The following MAGI2 variants were observed in gnomAD, a reference collection of about 807,000 sequenced individuals.
The protein encoded by MAGI2 is membrane associated guanylate kinase, WW and PDZ domain containing 2.
MAGI2 carries 35 observed loss-of-function variants against 133.3 expected under a neutral mutation model. That is an observed-to-expected ratio of 0.26 (90% confidence interval 0.20 to 0.35). The LOEUF (loss-of-function observed/expected upper bound fraction) is 0.35. MAGI2 is among the 10% of genes least tolerant of loss of function. The pLI is 1.00. For synonymous variants in MAGI2, 729 were observed against 710.6 expected (o/e 1.03, Z -0.41); for missense variants, 1,636 against 1,863.4 (o/e 0.88, Z 2.25).
chr7:78,699,389 C>T (rs569225794), intron 2 of MAGI2, among the ~76,000 whole-genome samples: 2 of 152,242 alleles, frequency 1.3e-5, no homozygotes, highest in South Asian at 4.1e-4. Flanking sequence ...GTGTGAGCCA[C>T]CACATCTGTC....
chr7:79,452,787 A>T (rs1849374306), intron 1 of MAGI2: 2 of 509,010 alleles, frequency 3.9e-6, no homozygotes, highest in Non-Finnish European at 6.9e-6. Context: ...TCCAAAGGGG[A>T]GGGTCTAACT....
intron 6 of MAGI2, among the ~76,000 whole-genome samples, chr7:78,406,956 C>T (rs755476070): frequency 6.6e-6 from 1 of 151,938 alleles, no homozygotes; most frequent in Non-Finnish European, 1.5e-5. Context: ...CCTTATTGTG[C>T]TGTAAATTCA....
chr7:79,066,279 T>A (rs1182664401), intron 1 of MAGI2, among the ~76,000 whole-genome samples: 1 of 148,784 alleles, frequency 6.7e-6, no homozygotes, highest in Non-Finnish European at 1.5e-5. Flanking sequence ...GATATCTCAG[T>A]GTGGTGTTTT....
At chr7:78,960,204 T>C (rs933019103) in intron 2 of MAGI2, among the ~76,000 whole-genome samples, 1 of 152,080 alleles carries the variant, frequency 6.6e-6, no homozygotes, top group Non-Finnish European at 1.5e-5. Flanking sequence ...AAGGGATGTG[T>C]GGGGAGGCAG....
At chr7:78,861,646 T>A (rs1794164079) in intron 2 of MAGI2, among the ~76,000 whole-genome samples, 1 of 152,224 alleles carries the variant, frequency 6.6e-6, no homozygotes, top group South Asian at 2.1e-4. Flanking sequence ...ACATTTATTA[T>A]TTTGTGCAAA....
At chr7:79,180,532 G>T (rs545389726) in intron 1 of MAGI2, among the ~76,000 whole-genome samples, 1 of 151,922 alleles carries the variant, frequency 6.6e-6, no homozygotes, top group Non-Finnish European at 1.5e-5. Flanking sequence ...GAAAAGACCT[G>T]CCCCCATGAT....
At chr7:78,504,206 C>T (rs974169793) in intron 4 of MAGI2, among the ~76,000 whole-genome samples, 4 of 152,084 alleles carry the variant, frequency 2.6e-5, no homozygotes, top group Admixed American at 2.0e-4. Flanking sequence ...CATCAGTAGG[C>T]ACTTCAGAGA....
intron 1 of MAGI2, among the ~76,000 whole-genome samples, chr7:79,252,857 A>G (rs1328390948): frequency 6.6e-6 from 1 of 152,258 alleles, no homozygotes; most frequent in African/African-American, 2.4e-5. Flanking sequence ...AGTACAAACC[A>G]AATAAAAAAT....
At chr7:78,987,512 G>T (rs1805377010) in intron 2 of MAGI2, among the ~76,000 whole-genome samples, 2 of 151,968 alleles carry the variant, frequency 1.3e-5, no homozygotes, top group African/African-American at 4.8e-5. Flanking sequence ...TGGTACTTTT[G>T]TTTAATCCAT....
At chr7:78,329,915 C>T (rs77121535) in intron 9 of MAGI2, among the ~76,000 whole-genome samples, 1,922 of 152,234 alleles carry the variant, frequency 0.013, 37 homozygotes, top group African/African-American at 0.043. Flanking sequence ...CACCACAATT[C>T]TGAAAATTTC....
At position 78,817,265 on chromosome 7, in the gene MAGI2, G is replaced by T. The variant is rs185586269; in HGVS notation, c.418+189825C>A. Among the ~76,000 whole-genome samples the T allele has an allele frequency of 1.2e-4, 18 of 152,274 alleles. 1 individual carries two copies. The highest frequency in any genetic ancestry group is 4.1e-4 in the South Asian group (2 of 4,830). On this transcript the variant is annotated intron_variant, in intron 2 of 21. Transcript: ENST00000354212. ...AAGAAAGTAGTTTCTTTCAGAGATG[G>T]AATCTACTTCTGGTGAAGATGCTGT...
intron 1 of MAGI2, chr7:79,125,326 T>C: frequency 2.1e-6 from 1 of 467,438 alleles, no homozygotes; most frequent in East Asian, 5.2e-5. Context: ...TTGGCATGGT[T>C]CTGGAAACTT....
At chr7:78,302,290 C>T (rs1444883532) in intron 9 of MAGI2, among the ~76,000 whole-genome samples, 1 of 152,094 alleles carries the variant, frequency 6.6e-6, no homozygotes, top group Admixed American at 6.5e-5. Flanking sequence ...ATGCCTTGGT[C>T]CCATCTTTAC....
intron 14 of MAGI2, among the ~76,000 whole-genome samples, chr7:78,176,624 C>T (rs1314750729): frequency 6.6e-6 from 1 of 152,144 alleles, no homozygotes; most frequent in Non-Finnish European, 1.5e-5. Flanking sequence ...TCAGATTCCT[C>T]TCATTTATTA....
At chr7:78,099,077 T>C (rs1417246343) in intron 20 of MAGI2, among the ~76,000 whole-genome samples, 1 of 152,160 alleles carries the variant, frequency 6.6e-6, no homozygotes, top group African/African-American at 2.4e-5. Context: ...AGCATTTCAG[T>C]TTAAGAACAA....
chr7:78,150,776 G>C (rs975396055), intron 16 of MAGI2, among the ~76,000 whole-genome samples: 1 of 152,106 alleles, frequency 6.6e-6, no homozygotes, highest in African/African-American at 2.4e-5. Context: ...TCCCTAGTGG[G>C]GGAAACATGA....
At chr7:78,876,937 G>T (rs1429983531) in intron 2 of MAGI2, among the ~76,000 whole-genome samples, 2 of 150,964 alleles carry the variant, frequency 1.3e-5, no homozygotes, top group Non-Finnish European at 3.0e-5. Context: ...TTATACTGTG[G>T]GTTATATTCC....
chr7:79,317,230 G>C (rs937818618), intron 1 of MAGI2, among the ~76,000 whole-genome samples: 2 of 151,824 alleles, frequency 1.3e-5, no homozygotes, highest in African/African-American at 4.8e-5. Context: ...CACCTTATTG[G>C]TCAGGCTGGT....
chr7:78,615,764 G>A (rs555005130), intron 3 of MAGI2: 1 of 152,162 alleles, frequency 6.6e-6, no homozygotes, highest in South Asian at 2.1e-4. Context: ...ATTGTATATC[G>A]TTTAAAACTT....
Sources: gnomAD v4.1 joint callset for allele counts (sites outside exome capture counted in the v4.1 genomes callset) on GRCh38, gnomAD v4.1.1 for gene constraint, MANE v1.5 for transcripts, NCBI Gene and HGNC (gene_info 2026-07-23, HGNC 2026-07-21) for gene names.